The following MGAT4C variants were observed in gnomAD, a reference collection of about 807,000 sequenced individuals.
MGAT4C encodes the protein MGAT4 family member C, also known as alpha-1,3-mannosyl-glycoprotein 4-beta-N-acetylglucosaminyltransferase C.
Under a neutral mutation model 40.1 loss-of-function variants are expected in MGAT4C, and 19 were observed. The observed-to-expected ratio is 0.47, with a 90% CI of 0.33 to 0.70. MGAT4C has a LOEUF of 0.70. Ranked by LOEUF, MGAT4C falls within the 30% of genes least tolerant of loss-of-function variation. MGAT4C has a pLI of 0.02. For missense variants in MGAT4C, 491 were observed against 563.2 expected, an observed-to-expected ratio of 0.87 and a Z score of 1.30; for synonymous variants, 181 against 187.1, an observed-to-expected ratio of 0.97 and a Z score of 0.27.
intron 1 of MGAT4C, among the ~76,000 whole-genome samples, chr12:86,770,395 TA>T (rs1951610484): frequency 6.6e-6 from 1 of 152,118 alleles, no homozygotes; most frequent in Non-Finnish European, 1.5e-5. Flanking sequence ...AAATATTATC[TA>T]ATCAATACCA....
At chr12:86,540,494 T>C (rs938270762) in intron 2 of MGAT4C, among the ~76,000 whole-genome samples, 1 of 152,128 alleles carries the variant, frequency 6.6e-6, no homozygotes, top group Non-Finnish European at 1.5e-5. Context: ...TTCCAGCACT[T>C]TGTGAGGCCG....
At chr12:86,750,861 G>A (rs1951222251) in intron 1 of MGAT4C, among the ~76,000 whole-genome samples, 2 of 151,910 alleles carry the variant, frequency 1.3e-5, no homozygotes, top group Admixed American at 6.6e-5. Context: ...AGAAACTTCA[G>A]GCCAGACATG....
rs944319638 is a variant in MGAT4C at position 85,969,739 on chromosome 12, G to T, written c.*9550C>A. The stretch of plus-strand genomic sequence containing the variant: ...AGGCAATGTATAATAGTGATAAGGG[G>T]CATAGATTTTGAATTACACAAACCT... On this transcript the variant is annotated 3_prime_UTR_variant, in exon 5 of 5. Coordinates refer to ENST00000611864, the MANE Select transcript of MGAT4C (RefSeq NM_001351288.2). 4 of 151,384 alleles carry T rather than the reference G, an allele frequency of 2.6e-5. No individual in the cohort carries two copies. Among genetic ancestry groups the T allele is most frequent in the African/African-American group, 9.7e-5 (4 of 41,344 alleles). The allele number at this position is 151,384 out of a possible 1,614,324, so 9.4% of individuals were successfully genotyped here. A position where few individuals can be genotyped will look rare whatever the true frequency, so the allele number is the denominator to read the frequency against.
At chr12:86,322,926 G>A (rs1954431872) in intron 4 of MGAT4C, among the ~76,000 whole-genome samples, 1 of 152,010 alleles carries the variant, frequency 6.6e-6, no homozygotes. Context: ...AAATGCGGAA[G>A]AGTTAATTTT....
At chr12:86,492,012 A>G (rs1482625999) in intron 2 of MGAT4C, among the ~76,000 whole-genome samples, 5 of 152,194 alleles carry the variant, frequency 3.3e-5, no homozygotes, top group Middle Eastern at 3.2e-3. Flanking sequence ...ACAGACAAAC[A>G]GAGAGCCAAA....
chr12:86,563,885 G>A (rs921506556), intron 2 of MGAT4C, among the ~76,000 whole-genome samples: 6 of 152,176 alleles, frequency 3.9e-5, no homozygotes, highest in Non-Finnish European at 7.4e-5. Context: ...CCCAGTGCCA[G>A]AATGCATAAT....
chr12:86,414,850 A>G (rs1269071559), intron 3 of MGAT4C, among the ~76,000 whole-genome samples: 1 of 152,084 alleles, frequency 6.6e-6, no homozygotes, highest in Non-Finnish European at 1.5e-5. Flanking sequence ...CAGCTATTTT[A>G]TGCTGCTGCA....
chr12:86,383,825 G>T (rs537313059), intron 3 of MGAT4C, among the ~76,000 whole-genome samples: 1 of 152,198 alleles, frequency 6.6e-6, no homozygotes, highest in Non-Finnish European at 1.5e-5. Context: ...GACTTTTGGG[G>T]GATTGTTGGG....
intron 2 of MGAT4C, among the ~76,000 whole-genome samples, chr12:86,483,030 A>G (rs1957961615): frequency 6.6e-6 from 1 of 152,220 alleles, no homozygotes; most frequent in Non-Finnish European, 1.5e-5. Flanking sequence ...AAAATATCAT[A>G]GACTGGGTGA....
intron 2 of MGAT4C, among the ~76,000 whole-genome samples, chr12:86,566,585 TA>T (rs1463874315): frequency 7.2e-6 from 1 of 139,324 alleles, no homozygotes; most frequent in African/African-American, 2.6e-5. Context: ...TGTATATGTA[TA>T]TATATGTATT....
chr12:86,766,129 C>T lies in MGAT4C; in HGVS notation c.-261-38888G>A, dbSNP rs373689438. Among the ~76,000 whole-genome samples the T allele has an allele frequency of 9.4e-3, 1,436 of 152,082 alleles. 10 individuals carry two copies. Among genetic ancestry groups the T allele is most frequent in the Middle Eastern group, 0.017 (5 of 294 alleles). The stretch of plus-strand genomic sequence containing the variant: ...TGCTGTATTCAGGAAACCCATCTCA[C>T]GTGCAGAGACACACATAGGCTCAAA... On this transcript the variant is annotated intron_variant, in intron 1 of 7. Transcript: ENST00000548651.
chr12:86,543,216 C>T (rs1167278584), intron 2 of MGAT4C, among the ~76,000 whole-genome samples: 1 of 151,486 alleles, frequency 6.6e-6, no homozygotes, highest in Non-Finnish European at 1.5e-5. Flanking sequence ...AATTACATAG[C>T]ATTATTAGTT....
At chr12:86,653,480 A>T (rs952737804) in intron 2 of MGAT4C, among the ~76,000 whole-genome samples, 2 of 151,934 alleles carry the variant, frequency 1.3e-5, no homozygotes, top group African/African-American at 4.8e-5. Flanking sequence ...TTGCTATAGT[A>T]GGGCTTTATC....
At chr12:86,380,447 G>A (rs1175432715) in intron 3 of MGAT4C, among the ~76,000 whole-genome samples, 1 of 151,888 alleles carries the variant, frequency 6.6e-6, no homozygotes, top group Non-Finnish European at 1.5e-5. Context: ...TTGCTTGTAT[G>A]CCAGAAATAA....
chr12:86,320,466 G>C (rs1224445025), intron 4 of MGAT4C, among the ~76,000 whole-genome samples: 3 of 151,336 alleles, frequency 2.0e-5, no homozygotes, highest in Non-Finnish European at 4.4e-5. Context: ...GGTAAAAATA[G>C]TAATAGTAAT....
At chr12:86,301,575 A>C (rs973833760) in intron 4 of MGAT4C, among the ~76,000 whole-genome samples, 12 of 152,154 alleles carry the variant, frequency 7.9e-5, no homozygotes, top group Non-Finnish European at 1.3e-4. Context: ...GAGTGGATGT[A>C]TCTTCTAGTT....
rs527361724 is a variant in MGAT4C, at chr12:86,705,805, G to T, written c.-229+21404C>A. On this transcript the variant is annotated intron_variant, in intron 2 of 7. Transcript: ENST00000548651. Reference sequence around the variant, plus strand: ...ATTAATGGGGATCGGGAGTTTTTAAGATCATACTAAGTATTACAGAAGTCA... The same window carrying T: ...ATTAATGGGGATCGGGAGTTTTTAATATCATACTAAGTATTACAGAAGTCA... 8.5e-5 allele frequency among the ~76,000 whole-genome samples: 13 copies of T among 152,224 alleles called. No individual in the cohort carries two copies. In the East Asian group the frequency reaches 2.3e-3, roughly 27 times the overall value.
chr12:86,687,608 C>T (rs773351720), intron 2 of MGAT4C, among the ~76,000 whole-genome samples: 1 of 152,184 alleles, frequency 6.6e-6, no homozygotes, highest in Admixed American at 6.6e-5. Flanking sequence ...AGTAGTCATT[C>T]AGGAGCAGGT....
chr12:86,616,175 T>C (rs1044850592), intron 2 of MGAT4C, among the ~76,000 whole-genome samples: 2 of 152,130 alleles, frequency 1.3e-5, no homozygotes, highest in African/African-American at 2.4e-5. Flanking sequence ...ATAGCATCCA[T>C]ATTTGTTGCT....
Sources: gnomAD v4.1 joint callset for allele counts (sites outside exome capture counted in the v4.1 genomes callset) on GRCh38, gnomAD v4.1.1 for gene constraint, MANE v1.5 for transcripts, NCBI Gene and HGNC (gene_info 2026-07-23, HGNC 2026-07-21) for gene names.